PCDHGB1: variants seen among roughly 807,000 people sequenced by gnomAD.
The protein encoded by PCDHGB1 is protocadherin gamma subfamily B, 1, also known as protocadherin gamma-B1.
Under a neutral mutation model 56.6 loss-of-function variants are expected in PCDHGB1, and 34 were observed. The ratio of observed to expected loss-of-function variants is 0.60; its 90% CI spans 0.46 to 0.80. The LOEUF (loss-of-function observed/expected upper bound fraction) is 0.80. Ranked by LOEUF, PCDHGB1 falls within the 30% of genes least tolerant of loss-of-function variation. The probability of loss-of-function intolerance (pLI) is 0.00; values close to 1 mark genes in which losing one functional copy is unlikely to be tolerated. For missense variants in PCDHGB1, 1,278 were observed against 1,204.6 expected (o/e 1.06, Z -0.90); for synonymous variants, 561 against 505.9 (o/e 1.11, Z -1.46).
intron 1 of PCDHGB1, among the ~76,000 whole-genome samples, chr5:141,364,014 A>G (rs145320199): frequency 4.6e-5 from 7 of 152,362 alleles, no homozygotes; most frequent in Non-Finnish European, 7.3e-5. Context: ...ACAACGCTAC[A>G]CAGTTAAACA....
chr5:141,360,829 G>C lies in PCDHGB1; in HGVS notation c.2409+8160G>C, dbSNP rs1467338981. On this transcript the variant is annotated intron_variant, in intron 1 of 3. Coordinates refer to ENST00000523390, the MANE Select transcript of PCDHGB1 (RefSeq NM_018922.3). The stretch of plus-strand genomic sequence containing the variant: ...TGGCACGACCCAAATCCGAATCAAA[G>C]TCACGGATGCCAACGATAACCCTCC... 11 of 1,613,980 alleles carry C rather than the reference G, an allele frequency of 6.8e-6. No homozygotes were observed. The South Asian group carries it at 1.2e-4, about 18-fold the overall frequency.
At chr5:141,380,635 G>C (rs746308338) in intron 1 of PCDHGB1, among the ~76,000 whole-genome samples, 17 of 152,190 alleles carry the variant, frequency 1.1e-4, no homozygotes, top group African/African-American at 2.4e-4. Flanking sequence ...TAGAAAATGT[G>C]AATGCTAGAG....
At chr5:141,358,990 A>G (rs552120957) in intron 1 of PCDHGB1, among the ~76,000 whole-genome samples, 2 of 152,376 alleles carry the variant, frequency 1.3e-5, no homozygotes, top group Non-Finnish European at 2.9e-5. Context: ...TCATGAATGC[A>G]TATGCTTACA....
chr5:141,405,165 C>T (rs745998723), intron 1 of PCDHGB1: 1 of 1,614,096 alleles, frequency 6.2e-7, no homozygotes, highest in Admixed American at 1.7e-5. Flanking sequence ...GTGCCCACCT[C>T]ACACTTTGTG....
At chr5:141,366,924 G>T in intron 1 of PCDHGB1, 1 of 997,638 alleles carries the variant, frequency 1.0e-6, no homozygotes, top group Non-Finnish European at 1.4e-6. Flanking sequence ...TTCAAATTCT[G>T]TTTTGGGAAG....
intron 3 of PCDHGB1, among the ~76,000 whole-genome samples, chr5:141,508,738 A>C (rs1596171196): frequency 7.1e-5 from 10 of 141,304 alleles, no homozygotes; most frequent in Admixed American, 1.4e-4. Context: ...TACACCCCCC[A>C]CCCCGCTCTT....
chr5:141,375,920 G>C, intron 1 of PCDHGB1: 1 of 1,613,748 alleles, frequency 6.2e-7, no homozygotes, highest in Non-Finnish European at 8.5e-7. Flanking sequence ...CAAGGCCAGC[G>C]AGCCAGGACT....
At chr5:141,409,133 G>A in intron 1 of PCDHGB1, 1 of 1,614,002 alleles carries the variant, frequency 6.2e-7, no homozygotes, top group Non-Finnish European at 8.5e-7. Flanking sequence ...TGATTTTGAA[G>A]ATGTAGAAAG....
intron 1 of PCDHGB1, chr5:141,413,247 C>T (rs1168509242): frequency 1.2e-6 from 2 of 1,613,822 alleles, no homozygotes; most frequent in African/African-American, 2.7e-5. Flanking sequence ...GCCTTTTCTT[C>T]GGGATTCCAT....
intron 1 of PCDHGB1, chr5:141,409,404 A>T: frequency 5.0e-6 from 8 of 1,614,046 alleles, no homozygotes; most frequent in Non-Finnish European, 6.8e-6. Flanking sequence ...TCCAATAACT[A>T]CTACAAACTG....
chr5:141,403,476 A>G lies in PCDHGB1; in HGVS notation c.2409+50807A>G, dbSNP rs1258805283. The G allele has an allele frequency of 5.6e-6, 9 of 1,613,972 alleles. No homozygotes were observed. In the Admixed American group the frequency reaches 8.3e-5, roughly 15 times the overall value. On this transcript the variant is annotated intron_variant, in intron 1 of 3. Coordinates refer to ENST00000523390, the MANE Select transcript of PCDHGB1 (RefSeq NM_018922.3). ...CTCCAGAGCTACCAGCTCAGCCCCA[A>G]TCACCACTTCTCCCTGAACGTGCAG...
At chr5:141,503,010 A>AT (rs199924715) in intron 2 of PCDHGB1, among the ~76,000 whole-genome samples, 26,593 of 146,658 alleles carry the variant, frequency 0.18, 2,532 homozygotes, top group Admixed American at 0.29. Context: ...TGCCCGGTTA[A>AT]TTTTTTTTTT....
chr5:141,491,945 C>T lies in PCDHGB1; in HGVS notation c.2410-2862C>T. ...GAGGGGAGGTGGGACCGACCCCCAC[C>T]CCTACACTCAAAAAAGGCCGGGGCC... On this transcript the variant is annotated intron_variant, in intron 1 of 3. Coordinates refer to ENST00000523390, the MANE Select transcript of PCDHGB1 (RefSeq NM_018922.3). The surrounding 1 kb of genome is among the most constrained non-coding windows in gnomAD (Gnocchi z 6.9). 1.8e-6 allele frequency: 2 copies of T among 1,116,616 alleles called. No individual in the cohort carries two copies. 69.2% of individuals were successfully genotyped at this position (1,116,616 alleles called of 1,614,324 possible). A position where few individuals can be genotyped will look rare whatever the true frequency, so the allele number is the denominator to read the frequency against.
In PCDHGB1 at chr5:141,398,940, G is replaced by C. The variant is rs781438773; in HGVS notation, c.2409+46271G>C. 6.2e-7 allele frequency: 1 copy of C among 1,613,944 alleles called. No individual in the cohort carries two copies. Among genetic ancestry groups the C allele is most frequent in the Middle Eastern group, 1.7e-4 (1 of 6,060 alleles). ...AAGTGTCAGCCACTGACCAAGACGAGGGCATCAACTCAGAAATTACTTATT... is the reference window on the plus strand; with the variant it reads ...AAGTGTCAGCCACTGACCAAGACGACGGCATCAACTCAGAAATTACTTATT... On this transcript the variant is annotated intron_variant, in intron 1 of 3. Transcript: ENST00000523390.
intron 1 of PCDHGB1, among the ~76,000 whole-genome samples, chr5:141,445,489 G>A (rs934531418): frequency 7.2e-5 from 11 of 152,188 alleles, no homozygotes; most frequent in Non-Finnish European, 1.3e-4. Context: ...GAGTTAATGG[G>A]CCCTATTCTA....
intron 1 of PCDHGB1, among the ~76,000 whole-genome samples, chr5:141,464,983 C>G (rs1294132264): frequency 6.6e-6 from 1 of 152,050 alleles, no homozygotes; most frequent in African/African-American, 2.4e-5. Flanking sequence ...TTCAAGTGAT[C>G]CTCCCACCTC....
intron 1 of PCDHGB1, chr5:141,393,707 T>A: frequency 6.2e-7 from 1 of 1,613,882 alleles, no homozygotes; most frequent in African/African-American, 1.3e-5. Flanking sequence ...ATGAAAATAC[T>A]GGGGAAATAT....
rs781346812 is a variant in PCDHGB1, at chr5:141,489,773, T to A, written c.2410-5034T>A. 6.2e-7 allele frequency: 1 copy of A among 1,614,102 alleles called. No individual in the cohort carries two copies. The highest frequency in any genetic ancestry group is 8.5e-7 in the Non-Finnish European group (1 of 1,179,984). ...TACACTCTAAGCCCCAACAGCCACT[T>A]CTCTCTGAATGTGAAGACCCTAAAA... is the stretch of plus-strand genomic sequence containing the variant. On this transcript the variant is annotated intron_variant, in intron 1 of 3. Transcript: ENST00000523390. The surrounding 1 kb of genome is among the most constrained non-coding windows in gnomAD (Gnocchi z 4.5).
In PCDHGB1 at chr5:141,487,161, T is replaced by C; in HGVS notation, c.2410-7646T>C. Reference sequence around the variant, plus strand: ...CTCTCTACCTCTGTTACTCTCTTAGTGTCCTTAGAGGAAGACACTCATCCA... The same window carrying C: ...CTCTCTACCTCTGTTACTCTCTTAGCGTCCTTAGAGGAAGACACTCATCCA... On this transcript the variant is annotated intron_variant, in intron 1 of 3. Coordinates refer to ENST00000523390, the MANE Select transcript of PCDHGB1 (RefSeq NM_018922.3). This position sits in a 1 kb window ranked among gnomAD's most constrained non-coding sequence, Gnocchi z 5.0. 6.2e-7 allele frequency: 1 copy of C among 1,613,528 alleles called. No homozygotes were observed.
Sources: gnomAD v4.1 joint callset for allele counts (sites outside exome capture counted in the v4.1 genomes callset) on GRCh38, gnomAD v4.1.1 for gene constraint, Gnocchi (gnomAD v3.1) non-coding constraint, MANE v1.5 for transcripts, NCBI Gene and HGNC (gene_info 2026-07-23, HGNC 2026-07-21) for gene names.